Variants in SERGEF observed in about 807,000 individuals in gnomAD.
SERGEF encodes secretion-regulating guanine nucleotide exchange factor.
In SERGEF, 51 loss-of-function variants were observed where a neutral mutation model predicts 50.0. The observed-to-expected ratio is 1.02, with a 90% CI of 0.81 to 1.29. SERGEF has a LOEUF of 1.29. Ranked by LOEUF, SERGEF falls within the 50% of genes most tolerant of loss-of-function variation. SERGEF has a pLI of 0.00. For missense variants in SERGEF, 521 were observed against 557.0 expected (o/e 0.94, Z 0.65); for synonymous variants, 205 against 212.4 (o/e 0.97, Z 0.30).
chr11:17,942,384 C>T (rs751486568), intron 9 of SERGEF, among the ~76,000 whole-genome samples: 4 of 151,886 alleles, frequency 2.6e-5, no homozygotes, highest in Admixed American at 6.6e-5. Flanking sequence ...AAATTATAAT[C>T]GTAAAAAAAC....
intron 4 of SERGEF, among the ~76,000 whole-genome samples, chr11:18,003,581 G>A (rs1854010634): frequency 6.6e-6 from 1 of 152,262 alleles, no homozygotes; most frequent in South Asian, 2.1e-4. Context: ...CCAGGCACCT[G>A]TAATCCCAGC....
intron 9 of SERGEF, among the ~76,000 whole-genome samples, chr11:17,914,191 C>A (rs970831870): frequency 6.6e-6 from 1 of 152,218 alleles, no homozygotes; most frequent in African/African-American, 2.4e-5. Context: ...ATCTGGAATG[C>A]TTCCTTCTTG....
chr11:17,803,351 C>A (rs1447330852), intron 10 of SERGEF, among the ~76,000 whole-genome samples: 1 of 152,226 alleles, frequency 6.6e-6, no homozygotes, highest in East Asian at 1.9e-4. Flanking sequence ...TGCATGTAGG[C>A]TGACCCTCTG....
chr11:17,801,194 CAAA>C (rs145154751), intron 10 of SERGEF, among the ~76,000 whole-genome samples: 1 of 132,016 alleles, frequency 7.6e-6, no homozygotes, highest in Non-Finnish European at 1.6e-5. Flanking sequence ...GACTCCGTCT[CAAA>C]AAAAAAAAAA....
At chr11:17,898,419 G>A (rs1025948468) in intron 9 of SERGEF, among the ~76,000 whole-genome samples, 1 of 152,210 alleles carries the variant, frequency 6.6e-6, no homozygotes, top group Non-Finnish European at 1.5e-5. Context: ...AAGTTACTAA[G>A]ACTTTCTGGG....
chr11:17,825,362 T>C (rs1850173858), intron 10 of SERGEF, among the ~76,000 whole-genome samples: 1 of 152,196 alleles, frequency 6.6e-6, no homozygotes, highest in South Asian at 2.1e-4. Context: ...CTTATATACA[T>C]GCCGAAATTG....
At chr11:17,830,332 G>C (rs1417540596) in intron 10 of SERGEF, among the ~76,000 whole-genome samples, 1 of 152,148 alleles carries the variant, frequency 6.6e-6, no homozygotes, top group Non-Finnish European at 1.5e-5. Flanking sequence ...GCCTTTCCTG[G>C]AGCTATTCAT....
chr11:17,811,316 C>T (rs1289692462), intron 10 of SERGEF, among the ~76,000 whole-genome samples: 3 of 152,334 alleles, frequency 2.0e-5, no homozygotes, highest in East Asian at 1.9e-4. Context: ...CCCACATGGA[C>T]GTAGCCAGGA....
At chr11:17,959,011 G>T (rs1472378298) in intron 9 of SERGEF, among the ~76,000 whole-genome samples, 1 of 152,132 alleles carries the variant, frequency 6.6e-6, no homozygotes, top group African/African-American at 2.4e-5. Context: ...TGGGACTACA[G>T]GTGTGTGCCA....
At chr11:18,000,279 C>A (rs901223353) in intron 5 of SERGEF, among the ~76,000 whole-genome samples, 3 of 152,060 alleles carry the variant, frequency 2.0e-5, no homozygotes, top group Non-Finnish European at 4.4e-5. Context: ...GAGACCCTGT[C>A]TCTACAAAAA....
chr11:17,804,021 A>G (rs1590123437), intron 10 of SERGEF, among the ~76,000 whole-genome samples: 1 of 152,204 alleles, frequency 6.6e-6, no homozygotes, highest in South Asian at 2.1e-4. Context: ...AGAGGTACCC[A>G]AGGATCAGAC....
rs1554999450 is a variant in SERGEF, at chr11:17,830,649, G to GA, written c.1049-42237_1049-42236insT. ...GAGGGAAAGGGGGAGGGAGAGGGAG[G>GA]GAGAGAGAGAGAGAGAGAGAGAGAG... On this transcript the variant is annotated intron_variant, in intron 10 of 10. Coordinates refer to ENST00000265965, the MANE Select transcript of SERGEF (RefSeq NM_012139.4). Among the ~76,000 whole-genome samples, 212 of 77,744 alleles carry GA rather than the reference G, an allele frequency of 2.7e-3. 12 individuals carry two copies. Among genetic ancestry groups the GA allele is most frequent in the African/African-American group, 9.6e-3 (167 of 17,328 alleles). The allele number at this position is 77,744 out of a possible 152,430, so 51.0% of individuals were successfully genotyped here. A position where few individuals can be genotyped will look rare whatever the true frequency, so the allele number is the denominator to read the frequency against.
At chr11:17,814,810 G>A (rs1416401477) in intron 10 of SERGEF, among the ~76,000 whole-genome samples, 6 of 152,110 alleles carry the variant, frequency 3.9e-5, no homozygotes, top group African/African-American at 1.4e-4. Flanking sequence ...TTCTCCTTGG[G>A]GATGCAGTTA....
intron 10 of SERGEF, among the ~76,000 whole-genome samples, chr11:17,862,645 C>T (rs533059547): frequency 1.4e-4 from 22 of 152,330 alleles, no homozygotes; most frequent in African/African-American, 4.6e-4. Context: ...GCAGGGACAG[C>T]AGTCATAGGA....
intron 10 of SERGEF, among the ~76,000 whole-genome samples, chr11:17,798,234 T>C (rs568119162): frequency 3.3e-5 from 5 of 152,202 alleles, no homozygotes; most frequent in African/African-American, 1.2e-4. Flanking sequence ...TCTCTGTCAA[T>C]CACTTTCCCT....
At chr11:17,862,830 G>C (rs1048372903) in intron 10 of SERGEF, among the ~76,000 whole-genome samples, 2 of 152,198 alleles carry the variant, frequency 1.3e-5, no homozygotes, top group African/African-American at 2.4e-5. Context: ...TGTCAAAGCT[G>C]CCCAATGTCA....
intron 10 of SERGEF, among the ~76,000 whole-genome samples, chr11:17,845,341 G>C (rs1365147106): frequency 6.6e-6 from 1 of 152,194 alleles, no homozygotes; most frequent in Admixed American, 6.5e-5. Flanking sequence ...GGCTGATAAG[G>C]AAACACAGAA....
intron 8 of SERGEF, among the ~76,000 whole-genome samples, chr11:17,968,365 AC>A (rs1175049756): frequency 1.3e-5 from 2 of 152,212 alleles, no homozygotes; most frequent in African/African-American, 4.8e-5. Flanking sequence ...GTTATTGAGC[AC>A]TTTCTATACA....
At chr11:17,917,215 A>G (rs1250429879) in intron 9 of SERGEF, among the ~76,000 whole-genome samples, 1 of 152,254 alleles carries the variant, frequency 6.6e-6, no homozygotes, top group East Asian at 1.9e-4. Flanking sequence ...GTACATATAT[A>G]TGATGAAATA....
Sources: allele counts gnomAD v4.1 joint callset (sites outside exome capture counted in the v4.1 genomes callset), GRCh38; gene constraint gnomAD v4.1.1; transcripts MANE v1.5; gene names NCBI Gene and HGNC (gene_info 2026-07-23, HGNC 2026-07-21).